PODXL: variants seen among roughly 807,000 people sequenced by gnomAD.
PODXL encodes the protein podocalyxin like.
In PODXL, 20 loss-of-function variants were observed where a neutral mutation model predicts 48.9. The observed-to-expected ratio is 0.41, with a 90% CI of 0.29 to 0.59. The LOEUF is 0.59. PODXL is among the 20% of genes least tolerant of loss of function. The pLI is 0.31. For synonymous variants in PODXL, 295 were observed against 287.4 expected, an observed-to-expected ratio of 1.03 and a Z score of -0.27; for missense variants, 606 against 675.1, an observed-to-expected ratio of 0.90 and a Z score of 1.13.
chr7:131,523,165 C>A (rs1272899497), intron 1 of PODXL, among the ~76,000 whole-genome samples: 1 of 152,132 alleles, frequency 6.6e-6, no homozygotes, highest in Admixed American at 6.5e-5. Flanking sequence ...TTTGTGAATC[C>A]AATTTTTCCA....
chr7:131,536,098 C>A (rs1001344399), intron 1 of PODXL, among the ~76,000 whole-genome samples: 7 of 152,180 alleles, frequency 4.6e-5, no homozygotes, highest in Non-Finnish European at 1.5e-5. Context: ...GGATCCTATT[C>A]TGACTTTCCT....
intron 1 of PODXL, among the ~76,000 whole-genome samples, chr7:131,535,007 G>A (rs547381212): frequency 2.0e-5 from 3 of 152,216 alleles, no homozygotes; most frequent in South Asian, 2.1e-4. Flanking sequence ...AGCCAAGATC[G>A]GGCCACTGCA....
In PODXL at chr7:131,549,279, ATGATC is replaced by A. The variant is rs1798632427; in HGVS notation, c.100+6976_100+6980del. Among the ~76,000 whole-genome samples, 3 of 152,154 alleles carry A rather than the reference ATGATC, an allele frequency of 2.0e-5. No individual in the cohort carries two copies. The South Asian group carries it at 6.2e-4, about 32-fold the overall frequency. On this transcript the variant is annotated intron_variant, in intron 1 of 8. Transcript: ENST00000378555. Reference sequence around the variant, plus strand: ...ACATATTGGGAGAAGAGCTGGTTGTATGATCTACTGCAAGTCCTTGCATCTGTGCC... The same window carrying A: ...ACATATTGGGAGAAGAGCTGGTTGTATACTGCAAGTCCTTGCATCTGTGCC...
At chr7:131,556,203 G>T in intron 1 of PODXL, 57 bp downstream of exon 1, 3 of 1,395,868 alleles carry the variant, frequency 2.1e-6, no homozygotes, top group Non-Finnish European at 2.8e-6. Flanking sequence ...AGCTCGGCCG[G>T]GCAGGGGGCA....
intron 1 of PODXL, among the ~76,000 whole-genome samples, chr7:131,544,934 G>T (rs1798548508): frequency 6.6e-6 from 1 of 152,170 alleles, no homozygotes; most frequent in Non-Finnish European, 1.5e-5. Flanking sequence ...GAGCCACTAT[G>T]ACAGTGCTGG....
chr7:131,508,812 G>A, intron 5 of PODXL, 139 bp downstream of exon 5: 1 of 710,500 alleles, frequency 1.4e-6, no homozygotes, highest in African/African-American at 1.7e-5. Flanking sequence ...CTTCCTACTA[G>A]GAAGAAATGA....
Position 131,504,228 on chromosome 7 carries a change from T to A in PODXL, c.*83A>T. The A allele has an allele frequency of 8.6e-7, 1 of 1,166,628 alleles. No homozygotes were observed. The highest frequency in any genetic ancestry group is 1.3e-6 in the Non-Finnish European group (1 of 797,794). 72.3% of individuals were successfully genotyped at this position (1,166,628 alleles called of 1,614,324 possible). The stretch of plus-strand genomic sequence containing the variant: ...CTCGGAGTTCACTCTCCCTCCCCAG[T>A]CTTTCCCTTCCCCATCCAAACGGCA... On this transcript the variant is annotated 3_prime_UTR_variant, in exon 9 of 9. Transcript: ENST00000378555.
At chr7:131,510,186 T>G (rs1357110181) in intron 3 of PODXL, 50 bp downstream of exon 3, 1 of 442,264 alleles carries the variant, frequency 2.3e-6, no homozygotes, top group Non-Finnish European at 4.5e-6. Flanking sequence ...TTATAAATAA[T>G]AAGTAAGTAA....
At chr7:131,555,892 A>T (rs968637125) in intron 1 of PODXL, among the ~76,000 whole-genome samples, 2 of 152,168 alleles carry the variant, frequency 1.3e-5, no homozygotes, top group African/African-American at 4.8e-5. Flanking sequence ...CTCCAACACG[A>T]AGGAAAGGTG....
intron 1 of PODXL, among the ~76,000 whole-genome samples, chr7:131,523,167 A>G (rs535653198): frequency 2.0e-5 from 3 of 152,200 alleles, no homozygotes; most frequent in South Asian, 2.1e-4. Flanking sequence ...TGTGAATCCA[A>G]TTTTTCCAGA....
At chr7:131,507,508 T>A (rs1797829270) in intron 5 of PODXL, among the ~76,000 whole-genome samples, 1 of 152,180 alleles carries the variant, frequency 6.6e-6, no homozygotes, top group Non-Finnish European at 1.5e-5. Context: ...GATTCTGGAA[T>A]AAATGACTAA....
chr7:131,541,658 G>T (rs1258075790), intron 1 of PODXL, among the ~76,000 whole-genome samples: 2 of 147,850 alleles, frequency 1.4e-5, no homozygotes, highest in Non-Finnish European at 3.0e-5. Flanking sequence ...GGGCAACAGA[G>T]CGAGACTCCG....
intron 5 of PODXL, among the ~76,000 whole-genome samples, chr7:131,507,854 T>C (rs1462953168): frequency 1.3e-5 from 2 of 152,146 alleles, no homozygotes; most frequent in Admixed American, 6.5e-5. Context: ...GGTCTAGATG[T>C]AGGCTTTTGT....
intron 1 of PODXL, among the ~76,000 whole-genome samples, chr7:131,530,030 C>T (rs1798250862): frequency 6.6e-6 from 1 of 152,012 alleles, no homozygotes; most frequent in Non-Finnish European, 1.5e-5. Flanking sequence ...CTCATTTTTC[C>T]AACATGTGGT....
chr7:131,542,849 C>T (rs957297707), intron 1 of PODXL, among the ~76,000 whole-genome samples: 1 of 152,140 alleles, frequency 6.6e-6, no homozygotes, highest in African/African-American at 2.4e-5. Flanking sequence ...AGAGGCAGAG[C>T]CAGGATCACA....
chr7:131,519,726 C>CT (rs1293702168), intron 1 of PODXL, among the ~76,000 whole-genome samples: 1 of 151,948 alleles, frequency 6.6e-6, no homozygotes, highest in Non-Finnish European at 1.5e-5. Flanking sequence ...AGACAAATTT[C>CT]TTTCTTTTTT....
chr7:131,532,126 C>A (rs2398789), intron 1 of PODXL, among the ~76,000 whole-genome samples: 126,315 of 136,528 alleles, frequency 0.93, 58,856 homozygotes, highest in East Asian at 0.99. Context: ...TAATAATAAT[C>A]ATCATCATCA....
Position 131,502,169 on chromosome 7 carries a change from C to A in PODXL, c.*2142G>T, listed in dbSNP as rs1797716498. 1.3e-5 allele frequency: 2 copies of A among 152,222 alleles called. No homozygotes were observed. The highest frequency in any genetic ancestry group is 1.5e-5 in the Non-Finnish European group (1 of 68,078). The allele number at this position is 152,222 out of a possible 1,614,324, so 9.4% of individuals were successfully genotyped here. On this transcript the variant is annotated 3_prime_UTR_variant, in exon 9 of 9. Coordinates refer to ENST00000378555, the MANE Select transcript of PODXL (RefSeq NM_001018111.3). ...CCAGGATCAGCAAAGGAGGAATAAT[C>A]CAGTCTGGCCTCTCCCACGGGACCA...
At position 131,503,625 on chromosome 7, in the gene PODXL, G is replaced by T. The variant is rs993802453; in HGVS notation, c.*686C>A. Reference sequence around the variant, plus strand: ...GAGAAAATCCGAATCCAGAACAAGGGGTTCAAGGTTATGAATAACCTGTGC... The same window carrying T: ...GAGAAAATCCGAATCCAGAACAAGGTGTTCAAGGTTATGAATAACCTGTGC... On this transcript the variant is annotated 3_prime_UTR_variant, in exon 9 of 9. Transcript: ENST00000378555. 6.6e-6 allele frequency: 1 copy of T among 152,416 alleles called. No homozygotes were observed. Among genetic ancestry groups the T allele is most frequent in the East Asian group, 1.9e-4 (1 of 5,200 alleles). The allele number at this position is 152,416 out of a possible 1,614,324, so 9.4% of individuals were successfully genotyped here.
Sources: allele counts gnomAD v4.1 joint callset (sites outside exome capture counted in the v4.1 genomes callset), GRCh38; gene constraint gnomAD v4.1.1; transcripts MANE v1.5; gene names NCBI Gene and HGNC (gene_info 2026-07-23, HGNC 2026-07-21).